Variants in CST1 observed in about 807,000 individuals in gnomAD.
CST1 encodes the protein cystatin SN, also known as cystatin-SN.
Under a neutral mutation model 10.7 loss-of-function variants are expected in CST1, and 19 were observed. The ratio of observed to expected loss-of-function variants is 1.78; its 90% confidence interval spans 1.24 to 2.61. CST1 has a LOEUF of 2.61. Among genes scored for constraint, CST1 ranks in the 30% most tolerant of loss-of-function variants. The probability of loss-of-function intolerance (pLI) is 0.00; values close to 1 mark genes in which losing one functional copy is unlikely to be tolerated. For synonymous variants in CST1, 95 were observed against 72.8 expected (o/e 1.31, Z -1.55); for missense variants, 247 against 178.1 (o/e 1.39, Z -2.20).
chr20:23,750,310 G>A (rs1032716356), intron 1 of CST1, among the ~76,000 whole-genome samples: 1 of 152,178 alleles, frequency 6.6e-6, no homozygotes, highest in South Asian at 2.1e-4. Context: ...TCAGGGAGGA[G>A]TATGAACCTC....
rs758030895 is a variant in CST1, at chr20:23,750,830, C to A, written c.37G>T (p.Ala13Ser). 10 of 1,613,704 alleles carry A rather than the reference C, an allele frequency of 6.2e-6. No homozygotes were observed. The South Asian group carries it at 9.9e-5, about 16-fold the overall frequency. The change falls in exon 1 of 3, where the codon GCC becomes TCC. Residue 13 changes from alanine (A) to serine (S), a missense_variant. Ala to Ser is a moderately conservative substitution (Grantham distance 99, BLOSUM62 1). Coordinates refer to ENST00000304749, the MANE Select transcript of CST1 (RefSeq NM_001898.3). ...QYLSTLLLLL[A>S]TLAVALAWSP... is the part of the protein sequence containing the mutation. Reference sequence around the variant, plus strand: ...CAGGCCAGGGCCACAGCTAGGGTGGCCAGCAGGAGCAGCAGGGTACTCAGA... The same window carrying A: ...CAGGCCAGGGCCACAGCTAGGGTGGACAGCAGGAGCAGCAGGGTACTCAGA...
rs757412216 is a variant in CST1, at chr20:23,749,123, C to A, written c.235G>T (p.Gly79Trp). The change falls in exon 2 of 3, where the codon GGG becomes TGG. Residue 79 changes from glycine (G) to tryptophan (W), a missense_variant. By Grantham distance (184) the Gly-to-Trp change is radical. Coordinates refer to ENST00000304749, the MANE Select transcript of CST1 (RefSeq NM_001898.3). Reference sequence around the variant, plus strand: ...ACGTCGAAGAAGTAATTCACCCCCCCAACGGTCTGCACACAGGAGAAAACA... The same window carrying A: ...ACGTCGAAGAAGTAATTCACCCCCCAAACGGTCTGCACACAGGAGAAAACA... ...RVLRARQQTV[G>W]GVNYFFDVEV... 13 of 1,614,046 alleles carry A rather than the reference C, an allele frequency of 8.1e-6. No homozygotes were observed. The highest frequency in any genetic ancestry group is 1.7e-5 in the Admixed American group (1 of 60,002).
Position 23,749,848 on chromosome 20 carries a change from G to A in CST1, c.229-719C>T, listed in dbSNP as rs192762579. ...GGAGATGCAGGCCAGCGGGGACCAC[G>A]GCACCAGGGAGTGTATCTCGTATGC... On this transcript the variant is annotated intron_variant, in intron 1 of 2. Transcript: ENST00000304749. 4.3e-4 allele frequency among the ~76,000 whole-genome samples: 65 copies of A among 149,808 alleles called. 1 individual carries two copies. The highest frequency in any genetic ancestry group is 1.6e-3 in the African/African-American group (64 of 40,566).
At chr20:23,750,140 C>T (rs1568748135) in intron 1 of CST1, among the ~76,000 whole-genome samples, 1 of 152,058 alleles carries the variant, frequency 6.6e-6, no homozygotes, top group South Asian at 2.1e-4. Context: ...GCATGCTCCA[C>T]CCCAGCAGGG....
intron 1 of CST1, among the ~76,000 whole-genome samples, chr20:23,749,801 A>G (rs1835938472): frequency 6.6e-6 from 1 of 150,390 alleles, no homozygotes; most frequent in African/African-American, 2.5e-5. Context: ...GCTTCACTCC[A>G]AGTTACTGTC....
At chr20:23,748,757 T>A (rs1004447204) in intron 2 of CST1, among the ~76,000 whole-genome samples, 14 of 150,918 alleles carry the variant, frequency 9.3e-5, no homozygotes, top group African/African-American at 3.2e-4. Flanking sequence ...CCCCCACACA[T>A]CCATGCACAG....
At chr20:23,749,265 T>C in intron 1 of CST1, 136 bp from the exon 2 acceptor site, 1 of 807,480 alleles carries the variant, frequency 1.2e-6, no homozygotes, top group Admixed American at 2.0e-5. Context: ...ACAAGCCCCC[T>C]CTTCCTGTCA....
At chr20:23,748,624 C>T (rs1568747267) in intron 2 of CST1, among the ~76,000 whole-genome samples, 2 of 152,088 alleles carry the variant, frequency 1.3e-5, no homozygotes, top group East Asian at 1.9e-4. Flanking sequence ...AACCTAAAGC[C>T]TTCCTAGCAA....
Position 23,747,761 on chromosome 20 carries a change from C to T in CST1, c.*55G>A. ...GGGGCCACCAGTCCAGGGGTGGGAG[C>T]ACTACAGGGGGTGGGAGTGGGTGGT... On this transcript the variant is annotated 3_prime_UTR_variant, in exon 3 of 3. Coordinates refer to ENST00000304749, the MANE Select transcript of CST1 (RefSeq NM_001898.3). 1 of 1,554,230 alleles carries T rather than the reference C, an allele frequency of 6.4e-7. No homozygotes were observed. The highest frequency in any genetic ancestry group is 8.8e-7 in the Non-Finnish European group (1 of 1,130,264).
At position 23,747,648 on chromosome 20, in the gene CST1, A is replaced by G; in HGVS notation, c.*168T>C. On this transcript the variant is annotated 3_prime_UTR_variant, in exon 3 of 3. Coordinates refer to ENST00000304749, the MANE Select transcript of CST1 (RefSeq NM_001898.3). ...GAAGCAAGAAGGAAGGAGGGAGGGCAGAGCGCCCTGCTGAGCAACAAAGGA... is the reference window on the plus strand; with the variant it reads ...GAAGCAAGAAGGAAGGAGGGAGGGCGGAGCGCCCTGCTGAGCAACAAAGGA... 1 of 629,866 alleles carries G rather than the reference A, an allele frequency of 1.6e-6. No homozygotes were observed. The highest frequency in any genetic ancestry group is 2.7e-5 in the East Asian group (1 of 36,618). 39.0% of individuals were successfully genotyped at this position (629,866 alleles called of 1,614,324 possible).
At position 23,748,884 on chromosome 20, in the gene CST1, A is replaced by T. The variant is rs545828274; in HGVS notation, c.342+132T>A. 905 of 673,036 alleles carry T rather than the reference A, an allele frequency of 1.3e-3. 10 individuals carry two copies. In the African/African-American group the frequency reaches 0.015, roughly 11 times the overall value. The allele number at this position is 673,036 out of a possible 1,614,324, so 41.7% of individuals were successfully genotyped here. ...CCCATAAGTACATGAACACGTACAC[A>T]TCCATGCATACACGGCTCCCCACAT... is the stretch of plus-strand genomic sequence containing the variant. On this transcript the variant is annotated intron_variant, in intron 2 of 2. Transcript: ENST00000304749.
intron 2 of CST1, 99 bp from the exon 3 acceptor site, chr20:23,747,998 G>A (rs543111958): frequency 3.4e-5 from 40 of 1,186,094 alleles, no homozygotes; most frequent in African/African-American, 1.5e-5. Context: ...GAGGATGGAG[G>A]TGAGACACTG....
Position 23,750,616 on chromosome 20 carries a change from C to T in CST1, c.228+23G>A, listed in dbSNP as rs376913437. The T allele has an allele frequency of 3.4e-5, 55 of 1,609,640 alleles. 1 individual carries two copies. In the African/African-American group the frequency reaches 6.8e-4, roughly 20 times the overall value. On this transcript the variant is annotated intron_variant, in intron 1 of 2. Transcript: ENST00000304749. ...ACAAACCAGGCTGGGACCCAGGACCCCTGGGGTGGAGGGAGCACCTACCTG... is the reference window on the plus strand; with the variant it reads ...ACAAACCAGGCTGGGACCCAGGACCTCTGGGGTGGAGGGAGCACCTACCTG...
intron 2 of CST1, among the ~76,000 whole-genome samples, chr20:23,748,219 C>T (rs1044913661): frequency 6.6e-6 from 1 of 152,028 alleles, no homozygotes; most frequent in South Asian, 2.1e-4. Context: ...CAGCTCAGTT[C>T]CCCCAGCTCC....
Position 23,747,839 on chromosome 20 carries a change from T to A in CST1, c.403A>T (p.Lys135Ter). ...VPWENRRSLV[K>*]SRCQES ...CCCTAGGATTCTTGACACCTGGATT[T>A]CACCAGGGACCTTCTGTTCTCCCAG... The change falls in exon 3 of 3, where the codon AAA (lysine) becomes TAA (stop). Residue 135 changes from lysine (K) to a stop codon, truncating the protein, a stop_gained. Transcript: ENST00000304749. LOFTEE classifies it high-confidence loss of function. 1 of 1,614,024 alleles carries A rather than the reference T, an allele frequency of 6.2e-7. No individual in the cohort carries two copies. Among genetic ancestry groups the A allele is most frequent in the Non-Finnish European group, 8.5e-7 (1 of 1,179,896 alleles).
In CST1 at chr20:23,750,684, A is replaced by G; in HGVS notation, c.183T>C (p.Asp61=). The part of the protein sequence containing the change: ...AISEYNKATK[D]DYYRRPLRVL... ...CCCGCAGCGGACGTCTGTAGTAGTCATCTTTGGTGGCCTTGTTATACTCGC... is the reference window on the plus strand; with the variant it reads ...CCCGCAGCGGACGTCTGTAGTAGTCGTCTTTGGTGGCCTTGTTATACTCGC... The change falls in exon 1 of 3, where the codon GAT becomes GAC. Residue 61 remains aspartate (D), a synonymous_variant. Transcript: ENST00000304749. 1 of 1,614,068 alleles carries G rather than the reference A, an allele frequency of 6.2e-7. No homozygotes were observed. The highest frequency in any genetic ancestry group is 1.7e-4 in the Middle Eastern group (1 of 5,996).
At chr20:23,747,977 G>T in intron 2 of CST1, 78 bp from the exon 3 acceptor site, 1 of 1,407,604 alleles carries the variant, frequency 7.1e-7, no homozygotes, top group African/African-American at 1.4e-5. Context: ...AGATGTCAGA[G>T]CCTGGGTGAG....
Position 23,749,023 on chromosome 20 carries a change from A to G in CST1, c.335T>C (p.Leu112Pro). ...DTCAFHEQPE[L>P]QKKQLCSFEI... ...CCTGCATCAGGAACGTACCTTCTGCAGTTCTGGCTGTTCATGGAAGGCACA... is the reference window on the plus strand; with the variant it reads ...CCTGCATCAGGAACGTACCTTCTGCGGTTCTGGCTGTTCATGGAAGGCACA... The change falls in exon 2 of 3, where the codon CTG (leucine) becomes CCG (proline). Residue 112 changes from leucine (L) to proline (P), a missense_variant. Leu to Pro is a moderately conservative substitution (Grantham distance 98). Coordinates refer to ENST00000304749, the MANE Select transcript of CST1 (RefSeq NM_001898.3). 6.2e-7 allele frequency: 1 copy of G among 1,614,156 alleles called. No individual in the cohort carries two copies. Among genetic ancestry groups the G allele is most frequent in the Non-Finnish European group, 8.5e-7 (1 of 1,180,032 alleles).
At chr20:23,748,940 T>G in intron 2 of CST1, 76 bp downstream of exon 2, 1 of 1,515,040 alleles carries the variant, frequency 6.6e-7, no homozygotes, top group Non-Finnish European at 9.1e-7. Flanking sequence ...CCTCCAAACA[T>G]GTGTAGGGCA....
Sources: allele counts gnomAD v4.1 joint callset (sites outside exome capture counted in the v4.1 genomes callset), GRCh38; gene constraint gnomAD v4.1.1; transcripts MANE v1.5; gene names NCBI Gene and HGNC (gene_info 2026-07-23, HGNC 2026-07-21).